The following DST variants were observed in gnomAD, a reference collection of about 807,000 sequenced individuals.
The protein encoded by DST is bullous pemphigoid antigen.
Under a neutral mutation model 875.2 loss-of-function variants are expected in DST, and 253 were observed. The ratio of observed to expected loss-of-function variants is 0.29; its 90% CI spans 0.26 to 0.32. The LOEUF is 0.32. DST is among the 10% of genes least tolerant of loss of function. DST has a pLI of 1.00. For synonymous variants in DST, 3,124 were observed against 3,197.1 expected, an observed-to-expected ratio of 0.98 and a Z score of 0.77; for missense variants, 8,287 against 9,111.6, an observed-to-expected ratio of 0.91 and a Z score of 3.68.
rs2095920384 is a variant in DST, at chr6:56,496,731, A to G, written c.20223+648T>C. Reference sequence around the variant, plus strand: ...ATACTGACACACTAACCTTTGTGGCACTGTTCACAATAGCAAAGACTTGGA... The same window carrying G: ...ATACTGACACACTAACCTTTGTGGCGCTGTTCACAATAGCAAAGACTTGGA... On this transcript the variant is annotated intron_variant, in intron 82 of 103. Transcript: ENST00000680361. Among the ~76,000 whole-genome samples the G allele has an allele frequency of 1.3e-5, 2 of 152,172 alleles. 1 individual carries two copies. The highest frequency in any genetic ancestry group is 4.1e-4 in the South Asian group (2 of 4,830).
intron 61 of DST, among the ~76,000 whole-genome samples, chr6:56,543,252 T>C (rs188214173): frequency 6.8e-4 from 103 of 152,342 alleles, no homozygotes; most frequent in Non-Finnish European, 1.2e-3. Context: ...ATCTGATGCT[T>C]CAGCAGTATC....
chr6:56,548,563 TGAAGA>T (rs2152546955), intron 61 of DST, among the ~76,000 whole-genome samples: 1 of 152,338 alleles, frequency 6.6e-6, no homozygotes, highest in East Asian at 1.9e-4. Flanking sequence ...GGTTTAGATT[TGAAGA>T]TAATCTTGAG....
intron 5 of DST, among the ~76,000 whole-genome samples, chr6:56,706,743 G>A (rs1308410783): frequency 1.3e-5 from 2 of 152,122 alleles, no homozygotes; most frequent in Admixed American, 1.3e-4. Context: ...GCTCATACCT[G>A]TAATCCCCAG....
In DST at chr6:56,900,463, T is replaced by C; in HGVS notation, c.375A>G (p.Pro125=). The C allele has an allele frequency of 7.3e-7, 1 of 1,367,736 alleles. No individual in the cohort carries two copies. Among genetic ancestry groups the C allele is most frequent in the Middle Eastern group, 2.1e-4 (1 of 4,768 alleles). The allele number at this position is 1,367,736 out of a possible 1,614,324, so 84.7% of individuals were successfully genotyped here. ...CACCTTGAACAGAGTGATAAAATTC[T>C]GGCTGGACTCGGCTGCTCTTCTTGA... ...RRIKKSSRVQ[P]EFYHSVQGAS... is the part of the protein sequence containing the mutation. Residue 125 remains proline (P), a synonymous_variant, in exon 3 of 104, where the codon CCA becomes CCG. Transcript: ENST00000680361.
At position 56,625,896 on chromosome 6, in the gene DST, G is replaced by A. The variant is rs191732154; in HGVS notation, c.4723-632C>T. On this transcript the variant is annotated intron_variant, in intron 34 of 103. Transcript: ENST00000680361. The stretch of plus-strand genomic sequence containing the variant: ...TTTGGAGGTGTAAGACAATGATATT[G>A]ATGATCTTGACTCTATATAGGCCTA... Among the ~76,000 whole-genome samples the A allele has an allele frequency of 3.6e-3, 537 of 148,114 alleles. 1 individual carries two copies. Among genetic ancestry groups the A allele is most frequent in the South Asian group, 5.5e-3 (25 of 4,574 alleles).
At chr6:56,590,020 G>A (rs1158824515) in intron 49 of DST, among the ~76,000 whole-genome samples, 1 of 152,226 alleles carries the variant, frequency 6.6e-6, no homozygotes, top group East Asian at 1.9e-4. Context: ...AGAAATGGAG[G>A]CCACCTAATC....
chr6:56,775,242 G>A (rs1184132841), intron 4 of DST, among the ~76,000 whole-genome samples: 1 of 152,006 alleles, frequency 6.6e-6, no homozygotes, highest in Non-Finnish European at 1.5e-5. Context: ...CAGCCAACAG[G>A]CATCCTCTAA....
At chr6:56,511,499 C>T (rs1356135786) in intron 72 of DST, 99 bp from the exon 73 acceptor site, 1 of 930,654 alleles carries the variant, frequency 1.1e-6, no homozygotes, top group Non-Finnish European at 1.6e-6. Context: ...AAACTCCAAA[C>T]AAACCCCTCC....
At chr6:56,682,506 G>A (rs1327267071) in intron 9 of DST, among the ~76,000 whole-genome samples, 1 of 152,060 alleles carries the variant, frequency 6.6e-6, no homozygotes, top group Non-Finnish European at 1.5e-5. Context: ...ACACAACACT[G>A]ATACTTTACC....
chr6:56,845,613 C>T (rs1175260683), intron 4 of DST, among the ~76,000 whole-genome samples: 1 of 152,210 alleles, frequency 6.6e-6, no homozygotes, highest in Non-Finnish European at 1.5e-5. Flanking sequence ...ATATGGGACA[C>T]CTTCTTGAAA....
intron 65 of DST, 97 bp downstream of exon 65, chr6:56,529,877 T>C: frequency 6.7e-7 from 1 of 1,488,212 alleles, no homozygotes; most frequent in Middle Eastern, 1.8e-4. Flanking sequence ...ATGGATTTAG[T>C]TTGCAATTAA....
chr6:56,842,100 C>T (rs944894930), intron 4 of DST, among the ~76,000 whole-genome samples: 41 of 152,064 alleles, frequency 2.7e-4, no homozygotes, highest in Non-Finnish European at 5.0e-4. Context: ...TTTATTTCTA[C>T]TTTCTACTAA....
chr6:56,693,001 G>C, intron 9 of DST: 1 of 1,289,776 alleles, frequency 7.8e-7, no homozygotes, highest in Non-Finnish European at 1.0e-6. Context: ...TGCCCCAACT[G>C]ACTCTTTGTC....
intron 4 of DST, among the ~76,000 whole-genome samples, chr6:56,828,900 T>C (rs2099783853): frequency 6.6e-6 from 1 of 152,022 alleles, no homozygotes; most frequent in Non-Finnish European, 1.5e-5. Flanking sequence ...AAGGGTAGAA[T>C]AAGAGAAGGG....
chr6:56,715,619 C>T (rs1034956692), intron 5 of DST, among the ~76,000 whole-genome samples: 1 of 152,154 alleles, frequency 6.6e-6, no homozygotes, highest in African/African-American at 2.4e-5. Context: ...CTAGCAGTTA[C>T]ATCAAATAGC....
intron 3 of DST, among the ~76,000 whole-genome samples, chr6:56,862,441 G>A (rs1448916704): frequency 2.0e-5 from 3 of 152,090 alleles, no homozygotes; most frequent in African/African-American, 7.2e-5. Flanking sequence ...AAAAGCACAA[G>A]GTGCCTTGAG....
intron 4 of DST, among the ~76,000 whole-genome samples, chr6:56,812,492 G>A (rs994841113): frequency 7.9e-5 from 12 of 152,042 alleles, no homozygotes; most frequent in Admixed American, 7.9e-4. Context: ...AACATTCTGA[G>A]GTAAATCTTA....
chr6:56,851,705 C>A (rs372107868), intron 3 of DST, 101 bp from the exon 4 acceptor site: 10 of 1,553,112 alleles, frequency 6.4e-6, no homozygotes, highest in Non-Finnish European at 8.7e-6. Context: ...CTCCCTGCCC[C>A]CAAACTGGGT....
chr6:56,934,561 T>A (rs1424075850), intron 2 of DST, among the ~76,000 whole-genome samples: 1 of 13,992 alleles, frequency 7.1e-5, no homozygotes, highest in Non-Finnish European at 1.4e-4. Flanking sequence ...TATATTATAT[T>A]ATATATATAT....
Sources: gnomAD v4.1 joint callset for allele counts (sites outside exome capture counted in the v4.1 genomes callset) on GRCh38, gnomAD v4.1.1 for gene constraint, MANE v1.5 for transcripts, NCBI Gene and HGNC (gene_info 2026-07-23, HGNC 2026-07-21) for gene names.